GABBR2: variants seen among roughly 807,000 people sequenced by gnomAD.
The protein encoded by GABBR2 is gamma-aminobutyric acid type B receptor subunit 2, also known as G-protein coupled receptor 51.
A neutral mutation model predicts 105.6 loss-of-function variants in GABBR2; 23 were observed. The observed-to-expected ratio is 0.22, with a 90% CI of 0.16 to 0.31. The LOEUF is 0.31. GABBR2 is among the 10% of genes least tolerant of loss of function. The probability of loss-of-function intolerance (pLI) is 1.00; values close to 1 mark genes in which losing one functional copy is unlikely to be tolerated. For missense variants in GABBR2, 734 were observed against 1,245.5 expected, an observed-to-expected ratio of 0.59 and a Z score of 6.18; for synonymous variants, 478 against 499.7, an observed-to-expected ratio of 0.96 and a Z score of 0.58.
chr9:98,315,091 C>G (rs1468301849), intron 13 of GABBR2, among the ~76,000 whole-genome samples: 4 of 152,320 alleles, frequency 2.6e-5, no homozygotes, highest in Admixed American at 2.6e-4. Context: ...CTTTACCTTT[C>G]TCTTAGCTGC....
At chr9:98,520,598 C>G (rs1018834444) in intron 3 of GABBR2, among the ~76,000 whole-genome samples, 2 of 152,238 alleles carry the variant, frequency 1.3e-5, no homozygotes, top group African/African-American at 4.8e-5. Flanking sequence ...GCTGACTCAC[C>G]CAGGAGGGTC....
At chr9:98,502,541 C>T (rs1827423671) in intron 3 of GABBR2, among the ~76,000 whole-genome samples, 1 of 152,192 alleles carries the variant, frequency 6.6e-6, no homozygotes, top group Non-Finnish European at 1.5e-5. Context: ...CTTTAGGGCC[C>T]CAAGACTGTA....
At chr9:98,615,477 T>C (rs547682123) in intron 1 of GABBR2, among the ~76,000 whole-genome samples, 1 of 152,322 alleles carries the variant, frequency 6.6e-6, no homozygotes, top group Admixed American at 6.5e-5. Flanking sequence ...AATTTAGACA[T>C]GGCTGCAGGT....
intron 1 of GABBR2, chr9:98,608,098 C>G: frequency 7.6e-7 from 1 of 1,309,034 alleles, no homozygotes; most frequent in Admixed American, 1.8e-5. Context: ...CTTCGAGAAC[C>G]TTGGAAAAGA....
At chr9:98,647,666 T>C (rs1830042639) in intron 1 of GABBR2, among the ~76,000 whole-genome samples, 1 of 152,240 alleles carries the variant, frequency 6.6e-6, no homozygotes, top group Non-Finnish European at 1.5e-5. Flanking sequence ...GGCCACCTAC[T>C]TTCCCTTCCT....
intron 1 of GABBR2, among the ~76,000 whole-genome samples, chr9:98,594,579 G>A (rs926670195): frequency 6.6e-6 from 1 of 152,196 alleles, no homozygotes; most frequent in Non-Finnish European, 1.5e-5. Flanking sequence ...AGCAGTTTGG[G>A]ACCAGTGCAT....
At chr9:98,668,182 C>T (rs1016632410) in intron 1 of GABBR2, among the ~76,000 whole-genome samples, 7 of 152,264 alleles carry the variant, frequency 4.6e-5, no homozygotes, top group Middle Eastern at 3.2e-3. Flanking sequence ...CTTTCCCATA[C>T]ACTCCCCAAT....
intron 1 of GABBR2, among the ~76,000 whole-genome samples, chr9:98,699,593 C>T (rs1251359517): frequency 6.6e-6 from 1 of 152,154 alleles, no homozygotes; most frequent in Non-Finnish European, 1.5e-5. Context: ...TGAGATAGTG[C>T]CTAGGGGGAC....
chr9:98,332,227 C>T (rs1588107002), intron 13 of GABBR2, among the ~76,000 whole-genome samples: 5 of 152,160 alleles, frequency 3.3e-5, no homozygotes, highest in African/African-American at 1.2e-4. Context: ...AGTGGATGGC[C>T]ATGGAAGTGC....
chr9:98,669,298 C>T (rs1288414891), intron 1 of GABBR2, among the ~76,000 whole-genome samples: 1 of 152,040 alleles, frequency 6.6e-6, no homozygotes, highest in Non-Finnish European at 1.5e-5. Flanking sequence ...TTTGCATTTC[C>T]CTAAAGGTTG....
chr9:98,622,237 T>A lies in GABBR2; in HGVS notation c.322-44165A>T, dbSNP rs896142709. On this transcript the variant is annotated intron_variant, in intron 1 of 18. Transcript: ENST00000259455. ...TGGAGTGCAGTGGTGTCATCACAGT[T>A]CATTGCAGTCTCAACCTCCCAGGCT... Among the ~76,000 whole-genome samples, 3 of 152,070 alleles carry A rather than the reference T, an allele frequency of 2.0e-5. No homozygotes were observed. In the East Asian group the frequency reaches 5.8e-4, roughly 29 times the overall value.
At chr9:98,437,863 ATCCG>A (rs1482627993) in intron 7 of GABBR2, among the ~76,000 whole-genome samples, 1 of 150,124 alleles carries the variant, frequency 6.7e-6, no homozygotes, top group Non-Finnish European at 1.5e-5. Flanking sequence ...CTATCCATCC[ATCCG>A]TCCATCTATC....
chr9:98,497,073 C>T (rs1167742733), intron 3 of GABBR2, among the ~76,000 whole-genome samples: 1 of 152,166 alleles, frequency 6.6e-6, no homozygotes, highest in African/African-American at 2.4e-5. Context: ...TTACCAGGAC[C>T]AGCCAGTGTG....
chr9:98,422,555 T>G (rs1327629509), intron 7 of GABBR2, among the ~76,000 whole-genome samples: 1 of 151,542 alleles, frequency 6.6e-6, no homozygotes, highest in Non-Finnish European at 1.5e-5. Flanking sequence ...GGAGGTGACC[T>G]AGAGAGAATC....
rs2131866177 is a variant in GABBR2 at position 98,677,223 on chromosome 9, C to A, written c.321+31194G>T. On this transcript the variant is annotated intron_variant, in intron 1 of 18. Coordinates refer to ENST00000259455, the MANE Select transcript of GABBR2 (RefSeq NM_005458.8). ...TTCAGCTCAAGAAGATAGGTCTGGG[C>A]CACTTGCACGCCTCCAGACCCAGGC... 2.6e-5 allele frequency among the ~76,000 whole-genome samples: 4 copies of A among 152,340 alleles called. No individual in the cohort carries two copies. The Middle Eastern group carries it at 0.01, about 389-fold the overall frequency.
intron 13 of GABBR2, among the ~76,000 whole-genome samples, chr9:98,323,032 C>A (rs112538388): frequency 6.6e-6 from 1 of 152,118 alleles, no homozygotes; most frequent in African/African-American, 2.4e-5. Context: ...CAGACACGAG[C>A]GCCAGCACCA....
chr9:98,542,052 C>G lies in GABBR2; in HGVS notation c.460-9G>C, dbSNP rs1237856978. The G allele has an allele frequency of 6.2e-7, 1 of 1,613,236 alleles. No homozygotes were observed. Among genetic ancestry groups the G allele is most frequent in the African/African-American group, 1.3e-5 (1 of 75,026 alleles). On this transcript the variant is annotated splice_polypyrimidine_tract_variant and intron_variant, in intron 2 of 18. Coordinates refer to ENST00000259455, the MANE Select transcript of GABBR2 (RefSeq NM_005458.8). The stretch of plus-strand genomic sequence containing the variant: ...GTTGCAGCAAAAGAAAGCTGAAAAA[C>G]ACAAAAGAGACAACGCTTTTTACTG...
intron 1 of GABBR2, among the ~76,000 whole-genome samples, chr9:98,641,129 G>GTTTTTTTTTTTTTTTTTTTTT (rs34931575): frequency 8.0e-6 from 1 of 125,238 alleles, no homozygotes. Context: ...CTGTGGTTTG[G>GTTTTTTTTTTTTTTTTTTTTT]TTTTTTTTTT....
chr9:98,697,800 A>T (rs565208679), intron 1 of GABBR2, among the ~76,000 whole-genome samples: 16 of 152,298 alleles, frequency 1.1e-4, no homozygotes, highest in African/African-American at 3.8e-4. Context: ...AGTGACAACC[A>T]AGCCAACTCT....
Sources: allele counts gnomAD v4.1 joint callset (sites outside exome capture counted in the v4.1 genomes callset), GRCh38; gene constraint gnomAD v4.1.1; transcripts MANE v1.5; gene names NCBI Gene and HGNC (gene_info 2026-07-23, HGNC 2026-07-21).